Variants in ELOVL6 observed in about 807,000 individuals in gnomAD.
ELOVL6 encodes the protein ELOVL fatty acid elongase 6.
A neutral mutation model predicts 31.7 loss-of-function variants in ELOVL6; 8 were observed. The ratio of observed to expected loss-of-function variants is 0.25; its 90% CI spans 0.15 to 0.45. The LOEUF is 0.45. ELOVL6 is among the 20% of genes least tolerant of loss of function. ELOVL6 has a pLI of 1.00. For synonymous variants in ELOVL6, 101 were observed against 117.7 expected (o/e 0.86, Z 0.92); for missense variants, 126 against 326.4 (o/e 0.39, Z 4.73).
chr4:110,073,206 C>T (rs1268915902), intron 2 of ELOVL6, among the ~76,000 whole-genome samples: 2 of 152,202 alleles, frequency 1.3e-5, no homozygotes, highest in African/African-American at 2.4e-5. Context: ...ACCACACGTG[C>T]CGCCAAGCTC....
At chr4:110,163,491 G>A (rs1195009170) in intron 1 of ELOVL6, among the ~76,000 whole-genome samples, 4 of 152,200 alleles carry the variant, frequency 2.6e-5, no homozygotes, top group Admixed American at 6.5e-5. Flanking sequence ...GGCAAATACA[G>A]GCTCCTCAAT....
chr4:110,180,166 T>A (rs1035967185), intron 1 of ELOVL6, among the ~76,000 whole-genome samples: 3 of 152,196 alleles, frequency 2.0e-5, no homozygotes, highest in Non-Finnish European at 4.4e-5. Context: ...AGTGTGCTTA[T>A]TGTATCCATA....
chr4:110,159,813 A>G (rs1379569403), intron 1 of ELOVL6, among the ~76,000 whole-genome samples: 1 of 152,188 alleles, frequency 6.6e-6, no homozygotes, highest in East Asian at 1.9e-4. Context: ...CTGCTCAAAA[A>G]TTTTAACCTC....
At chr4:110,192,409 T>C (rs1346702083) in intron 1 of ELOVL6, among the ~76,000 whole-genome samples, 1 of 152,150 alleles carries the variant, frequency 6.6e-6, no homozygotes, top group Non-Finnish European at 1.5e-5. Flanking sequence ...TATGTCTGCA[T>C]TTGAAAAGTT....
intron 2 of ELOVL6, among the ~76,000 whole-genome samples, chr4:110,078,929 A>G (rs888949620): frequency 2.0e-5 from 3 of 152,086 alleles, no homozygotes; most frequent in African/African-American, 7.2e-5. Context: ...AAAAAGGCAG[A>G]GGTTGCAATC....
At chr4:110,070,763 G>C (rs921002861) in intron 2 of ELOVL6, among the ~76,000 whole-genome samples, 4 of 151,946 alleles carry the variant, frequency 2.6e-5, no homozygotes, top group African/African-American at 9.7e-5. Flanking sequence ...CTCTTTCTTC[G>C]GCCAGTAAGA....
intron 2 of ELOVL6, among the ~76,000 whole-genome samples, chr4:110,091,425 A>C (rs1389184784): frequency 6.6e-6 from 1 of 152,188 alleles, no homozygotes; most frequent in Non-Finnish European, 1.5e-5. Flanking sequence ...CTTCTCCACT[A>C]TCCTCTCCTG....
intron 2 of ELOVL6, among the ~76,000 whole-genome samples, chr4:110,095,454 C>T (rs994427862): frequency 6.7e-6 from 1 of 149,394 alleles, no homozygotes. Flanking sequence ...TGCATTCCAG[C>T]CTGGGTGAAA....
chr4:110,127,763 T>C (rs181477466), intron 1 of ELOVL6, among the ~76,000 whole-genome samples: 1 of 152,318 alleles, frequency 6.6e-6, no homozygotes, highest in Admixed American at 6.5e-5. Context: ...TTTTGATTCA[T>C]TCATTCTTGC....
intron 1 of ELOVL6, among the ~76,000 whole-genome samples, chr4:110,114,870 C>T (rs1054333101): frequency 2.6e-5 from 4 of 151,970 alleles, no homozygotes; most frequent in African/African-American, 9.7e-5. Flanking sequence ...TAAATCAAAA[C>T]CAAGAAAAAT....
intron 1 of ELOVL6, among the ~76,000 whole-genome samples, chr4:110,180,673 A>C (rs1759245193): frequency 6.6e-6 from 1 of 152,084 alleles, no homozygotes; most frequent in African/African-American, 2.4e-5. Context: ...CAGCCTCCCA[A>C]AGTGCTGGGA....
At chr4:110,188,889 CAAA>C (rs368964781) in intron 1 of ELOVL6, among the ~76,000 whole-genome samples, 5 of 107,880 alleles carry the variant, frequency 4.6e-5, no homozygotes, top group Non-Finnish European at 4.0e-5. Context: ...AACTCGGTCT[CAAA>C]AAAAAAAAAA....
intron 1 of ELOVL6, among the ~76,000 whole-genome samples, chr4:110,178,372 C>G (rs1380923227): frequency 6.6e-6 from 1 of 152,012 alleles, no homozygotes; most frequent in African/African-American, 2.4e-5. Context: ...ATGGTGAAAA[C>G]CCATCTCTAC....
At chr4:110,194,104 A>C (rs1008346623) in intron 1 of ELOVL6, among the ~76,000 whole-genome samples, 1 of 152,224 alleles carries the variant, frequency 6.6e-6, no homozygotes, top group Admixed American at 6.5e-5. Flanking sequence ...TTCCCTTCTC[A>C]CTCAATGAAT....
At chr4:110,189,608 AAAAAAAGAG>A (rs1337061667) in intron 1 of ELOVL6, among the ~76,000 whole-genome samples, 1 of 147,926 alleles carries the variant, frequency 6.8e-6, no homozygotes, top group Admixed American at 6.8e-5. Context: ...AAAAAAAAAA[AAAAAAAGAG>A]AGAGAGAGAG....
intron 1 of ELOVL6, among the ~76,000 whole-genome samples, chr4:110,127,760 T>A (rs920454345): frequency 3.9e-5 from 6 of 152,218 alleles, no homozygotes; most frequent in Non-Finnish European, 7.3e-5. Flanking sequence ...GACTTTTGAT[T>A]CATTCATTCT....
chr4:110,170,028 T>C (rs1043694262), intron 1 of ELOVL6, among the ~76,000 whole-genome samples: 1 of 152,038 alleles, frequency 6.6e-6, no homozygotes, highest in Non-Finnish European at 1.5e-5. Flanking sequence ...TTGGCCAGAC[T>C]GGCCTCGAAC....
chr4:110,084,176 A>C (rs1253590123), intron 2 of ELOVL6, among the ~76,000 whole-genome samples: 1 of 103,464 alleles, frequency 9.7e-6, no homozygotes, highest in African/African-American at 3.5e-5. Context: ...GATATATATG[A>C]TATATATAAC....
At chr4:110,149,591 T>C (rs1400511643) in intron 1 of ELOVL6, among the ~76,000 whole-genome samples, 1 of 152,112 alleles carries the variant, frequency 6.6e-6, no homozygotes, top group Non-Finnish European at 1.5e-5. Flanking sequence ...AAGCAGAGTG[T>C]GAAATGATGG....
Sources: allele counts gnomAD v4.1 joint callset (sites outside exome capture counted in the v4.1 genomes callset), GRCh38; gene constraint gnomAD v4.1.1; transcripts MANE v1.5; gene names NCBI Gene and HGNC (gene_info 2026-07-23, HGNC 2026-07-21).